The following ARPP21 variants were observed in gnomAD, a reference collection of about 807,000 sequenced individuals.
The protein encoded by ARPP21 is cAMP regulated phosphoprotein 21.
ARPP21 carries 69 observed loss-of-function variants against 113.2 expected under a neutral mutation model. The ratio of observed to expected loss-of-function variants is 0.61; its 90% CI spans 0.50 to 0.74. The LOEUF is 0.74. Among genes scored for constraint, ARPP21 ranks in the 30% least tolerant of loss-of-function variants. The pLI is 0.00. For missense variants in ARPP21, 1,070 were observed against 1,037.4 expected, an observed-to-expected ratio of 1.03 and a Z score of -0.43; for synonymous variants, 368 against 375.5, an observed-to-expected ratio of 0.98 and a Z score of 0.23.
At chr3:35,759,526 A>G (rs1244692856) in intron 19 of ARPP21, among the ~76,000 whole-genome samples, 3 of 151,998 alleles carry the variant, frequency 2.0e-5, no homozygotes, top group African/African-American at 7.2e-5. Context: ...TCAGCTTGGA[A>G]CTTTAGGAAT....
chr3:35,657,182 A>C (rs1454818014), intron 1 of ARPP21, among the ~76,000 whole-genome samples: 1 of 152,082 alleles, frequency 6.6e-6, no homozygotes, highest in East Asian at 1.9e-4. Flanking sequence ...CCTCTCATTT[A>C]GACTAACTGT....
chr3:35,753,214 C>T (rs2095462405), intron 19 of ARPP21, among the ~76,000 whole-genome samples: 1 of 151,612 alleles, frequency 6.6e-6, no homozygotes, highest in African/African-American at 2.4e-5. Flanking sequence ...ATCTCTCAAC[C>T]ATCTAATTCA....
chr3:35,790,806 C>A (rs2096732754), intron 19 of ARPP21, among the ~76,000 whole-genome samples: 1 of 152,104 alleles, frequency 6.6e-6, no homozygotes. Flanking sequence ...TATGTGGTGT[C>A]TTTACAATAA....
chr3:35,740,896 G>A (rs1019789262), intron 18 of ARPP21, among the ~76,000 whole-genome samples: 7 of 151,834 alleles, frequency 4.6e-5, no homozygotes, highest in Non-Finnish European at 7.4e-5. Context: ...CTGGGAGTTC[G>A]AGACCAGCCT....
At chr3:35,756,574 A>G (rs2095578637) in intron 19 of ARPP21, among the ~76,000 whole-genome samples, 1 of 152,044 alleles carries the variant, frequency 6.6e-6, no homozygotes, top group Non-Finnish European at 1.5e-5. Flanking sequence ...GACTCCCACC[A>G]ATCCCTAATC....
chr3:35,721,484 G>A, intron 13 of ARPP21, 121 bp from the exon 14 acceptor site: 1 of 633,932 alleles, frequency 1.6e-6, no homozygotes, highest in East Asian at 2.7e-5. Flanking sequence ...TTAATGAAAA[G>A]GGTTGGCAGG....
At chr3:35,642,858 G>C (rs1698640912) in intron 1 of ARPP21, among the ~76,000 whole-genome samples, 1 of 152,106 alleles carries the variant, frequency 6.6e-6, no homozygotes, top group Admixed American at 6.5e-5. Context: ...AGGAAGTTTT[G>C]TTTGGACTTG....
intron 19 of ARPP21, among the ~76,000 whole-genome samples, chr3:35,767,491 A>G (rs1469544891): frequency 6.6e-6 from 1 of 152,160 alleles, no homozygotes; most frequent in Non-Finnish European, 1.5e-5. Context: ...GAATGATAAG[A>G]AAATAATTTT....
At chr3:35,723,523 G>T (rs2150345719) in intron 14 of ARPP21, among the ~76,000 whole-genome samples, 1 of 152,222 alleles carries the variant, frequency 6.6e-6, no homozygotes, top group African/African-American at 2.4e-5. Flanking sequence ...CTGAAGTAAA[G>T]AAAATCCACT....
intron 12 of ARPP21, among the ~76,000 whole-genome samples, chr3:35,716,103 T>C (rs1306299105): frequency 6.6e-6 from 1 of 151,978 alleles, no homozygotes; most frequent in Non-Finnish European, 1.5e-5. Context: ...AGAGCAAAAA[T>C]TTTTCAAACT....
At chr3:35,779,655 G>C (rs1315173675) in intron 19 of ARPP21, among the ~76,000 whole-genome samples, 1 of 151,900 alleles carries the variant, frequency 6.6e-6, no homozygotes, top group Non-Finnish European at 1.5e-5. Flanking sequence ...AGGAGTAGGT[G>C]AGATCCAGTC....
chr3:35,748,407 GGA>G (rs1428673381), intron 19 of ARPP21, among the ~76,000 whole-genome samples: 3 of 140,724 alleles, frequency 2.1e-5, no homozygotes, highest in South Asian at 2.3e-4. Flanking sequence ...AAGGGAGAAA[GGA>G]GAGAGAAAGA....
intron 18 of ARPP21, 134 bp downstream of exon 18, chr3:35,739,711 G>A (rs2094545505): frequency 9.8e-6 from 12 of 1,222,480 alleles, no homozygotes; most frequent in Non-Finnish European, 9.9e-6. Context: ...CTCACCAACA[G>A]GAAGTAGTAT....
chr3:35,754,224 T>A (rs1461993083), intron 19 of ARPP21, among the ~76,000 whole-genome samples: 2 of 152,032 alleles, frequency 1.3e-5, no homozygotes, highest in African/African-American at 4.8e-5. Flanking sequence ...ATAAGTTACA[T>A]ACATTTTAAT....
chr3:35,758,747 T>C (rs115467474), intron 19 of ARPP21, among the ~76,000 whole-genome samples: 4,034 of 152,190 alleles, frequency 0.027, 186 homozygotes, highest in African/African-American at 0.089. Flanking sequence ...CTCTATTTTT[T>C]TCATTAATGA....
intron 19 of ARPP21, among the ~76,000 whole-genome samples, chr3:35,779,382 C>A (rs1186366515): frequency 6.6e-6 from 1 of 152,080 alleles, no homozygotes; most frequent in Non-Finnish European, 1.5e-5. Flanking sequence ...TTGGAGGAAG[C>A]ACCGTGGCAT....
At chr3:35,729,905 C>A (rs1030426247) in intron 15 of ARPP21, among the ~76,000 whole-genome samples, 2 of 152,116 alleles carry the variant, frequency 1.3e-5, no homozygotes, top group Non-Finnish European at 1.5e-5. Flanking sequence ...TCTAAATCCC[C>A]AGTTAGCTTG....
At chr3:35,703,019 C>T (rs1471572073) in intron 9 of ARPP21, among the ~76,000 whole-genome samples, 6 of 151,612 alleles carry the variant, frequency 4.0e-5, no homozygotes, top group Admixed American at 6.6e-5. Context: ...TTATGAGATA[C>T]GTATACATAT....
At chr3:35,784,025 G>A (rs1043325276) in intron 19 of ARPP21, among the ~76,000 whole-genome samples, 1 of 152,128 alleles carries the variant, frequency 6.6e-6, no homozygotes, top group Non-Finnish European at 1.5e-5. Context: ...CACAATAGAA[G>A]TAAGTACTCT....
Sources: allele counts gnomAD v4.1 joint callset (sites outside exome capture counted in the v4.1 genomes callset), GRCh38; gene constraint gnomAD v4.1.1; transcripts MANE v1.5; gene names NCBI Gene and HGNC (gene_info 2026-07-23, HGNC 2026-07-21).